Variants in TSC22D4 observed in about 807,000 individuals in gnomAD.
TSC22D4 encodes the protein TSC22 domain family protein 4.
In TSC22D4, 5 loss-of-function variants were observed where a neutral mutation model predicts 24.9. The ratio of observed to expected loss-of-function variants is 0.20; its 90% confidence interval spans 0.10 to 0.42. The LOEUF is 0.42. Ranked by LOEUF, TSC22D4 falls within the 10% of genes least tolerant of loss-of-function variation. The pLI, the probability that TSC22D4 is intolerant of heterozygous loss-of-function variation, is 1.00. For missense variants in TSC22D4, 469 were observed against 547.9 expected, an observed-to-expected ratio of 0.86 and a Z score of 1.44; for synonymous variants, 245 against 243.2, an observed-to-expected ratio of 1.01 and a Z score of -0.07.
At chr7:100,467,902 G>C (rs1480721474) in intron 3 of TSC22D4, 1 of 589,390 alleles carries the variant, frequency 1.7e-6, no homozygotes, top group Non-Finnish European at 3.3e-6. Context: ...GGTCTCATAA[G>C]ACGACACCAG....
Position 100,474,785 on chromosome 7 carries a change from G to A in TSC22D4, c.763-345C>T, listed in dbSNP as rs572496837. Among the ~76,000 whole-genome samples, 3 of 152,070 alleles carry A rather than the reference G, an allele frequency of 2.0e-5. No homozygotes were observed. Among genetic ancestry groups the A allele is most frequent in the Non-Finnish European group, 4.4e-5 (3 of 68,024 alleles). On this transcript the variant is annotated intron_variant, in intron 2 of 4. Transcript: ENST00000300181. The surrounding 1 kb of genome is among the most constrained non-coding windows in gnomAD (Gnocchi z 4.3). ...GACCCCTAATCAGAGGCTACGCAGC[G>A]TGTCTGCCTTCTTTTATGTTTTATT...
rs764115494 is a variant in TSC22D4 at position 100,477,449 on chromosome 7, T to C, written c.590A>G (p.Glu197Gly). Reference protein sequence around the residue: ...SASSPQQRPPEPETGESAGTS... With the variant: ...SASSPQQRPPGPETGESAGTS... ...GCCCGCACTCTCACCGGTCTCAGGC[T>C]CTGGGGGGCGCTGCTGGGGTGAGGA... Residue 197 changes from glutamate to glycine, a missense_variant, in exon 2 of 5, where the codon GAG becomes GGG. Transcript: ENST00000300181. The surrounding 1 kb of genome is among the most constrained non-coding windows in gnomAD (Gnocchi z 7.8). 3 of 1,566,894 alleles carry C rather than the reference T, an allele frequency of 1.9e-6. No individual in the cohort carries two copies. Among genetic ancestry groups the C allele is most frequent in the South Asian group, 1.2e-5 (1 of 84,780 alleles).
At chr7:100,467,788 G>A (rs1055017079) in intron 3 of TSC22D4, 188 bp from the exon 4 acceptor site, 10 of 708,912 alleles carry the variant, frequency 1.4e-5, no homozygotes, top group South Asian at 3.1e-5. Flanking sequence ...CCGGTGGGGC[G>A]GGGGCCCAGA....
chr7:100,472,911 C>T (rs1323446465), intron 3 of TSC22D4, among the ~76,000 whole-genome samples: 1 of 152,136 alleles, frequency 6.6e-6, no homozygotes. Context: ...CAGGCACCCA[C>T]TCACCCACTC....
intron 3 of TSC22D4, chr7:100,467,892 G>A (rs1799316886): frequency 3.3e-6 from 2 of 609,184 alleles, no homozygotes; most frequent in Non-Finnish European, 3.2e-6. Context: ...CCACCACTCG[G>A]GTCTCATAAG....
chr7:100,475,257 T>A (rs1254486155), intron 2 of TSC22D4, among the ~76,000 whole-genome samples: 2 of 152,232 alleles, frequency 1.3e-5, no homozygotes, highest in Non-Finnish European at 2.9e-5. Context: ...CTAATTTTTT[T>A]ATTTTTAGTA....
At chr7:100,467,470 T>C (rs1332386262) in intron 4 of TSC22D4, 82 bp downstream of exon 4, 2 of 1,476,090 alleles carry the variant, frequency 1.4e-6, no homozygotes, top group African/African-American at 2.8e-5. Context: ...TGGTGTTCCC[T>C]GGTAAGGAAG....
In TSC22D4 at chr7:100,477,867, G is replaced by T. The variant is rs1341081422; in HGVS notation, c.172C>A (p.Pro58Thr). 1.3e-6 allele frequency: 2 copies of T among 1,587,698 alleles called. No homozygotes were observed. Among genetic ancestry groups the T allele is most frequent in the Non-Finnish European group, 1.7e-6 (2 of 1,169,162 alleles). The change falls in exon 2 of 5, where the codon CCC (proline) becomes ACC (threonine). Residue 58 changes from proline (P) to threonine (T), a missense_variant. Coordinates refer to ENST00000300181, the MANE Select transcript of TSC22D4 (RefSeq NM_030935.5). This position sits in a 1 kb window ranked among gnomAD's most constrained non-coding sequence, Gnocchi z 7.8. ...PSPDPGGKGTPRNGSPPPGAP... is the reference protein window; with the variant it reads ...PSPDPGGKGTTRNGSPPPGAP... Reference sequence around the variant, plus strand: ...CCAGGTGGTGGGGAGCCATTCCGGGGGGTGCCCTTGCCCCCCGGATCGGGG... The same window carrying T: ...CCAGGTGGTGGGGAGCCATTCCGGGTGGTGCCCTTGCCCCCCGGATCGGGG...
At position 100,469,521 on chromosome 7, in the gene TSC22D4, C is replaced by T. The variant is rs559393290; in HGVS notation, c.930-1921G>A. On this transcript the variant is annotated intron_variant, in intron 3 of 4. Coordinates refer to ENST00000300181, the MANE Select transcript of TSC22D4 (RefSeq NM_030935.5). ...CAGAACCTGGCTCTCCCTCAAGCCC[C>T]ACTCTCAGGCCCCACCTGCGCAGGC... Among the ~76,000 whole-genome samples, 182 of 152,260 alleles carry T rather than the reference C, an allele frequency of 1.2e-3. 1 individual carries two copies. Among genetic ancestry groups the T allele is most frequent in the Admixed American group, 4.6e-3 (70 of 15,298 alleles).
At chr7:100,469,739 G>A (rs1197642868) in intron 3 of TSC22D4, among the ~76,000 whole-genome samples, 2 of 152,260 alleles carry the variant, frequency 1.3e-5, no homozygotes, top group African/African-American at 4.8e-5. Context: ...CACATCCCTG[G>A]ACTCCCTTGT....
chr7:100,473,057 G>A (rs4727455), intron 3 of TSC22D4, among the ~76,000 whole-genome samples: 22,399 of 152,072 alleles, frequency 0.15, 1,701 homozygotes, highest in East Asian at 0.17. Context: ...ATCAGTCCCC[G>A]GGGAGAAGCA....
chr7:100,479,008 G>A lies in TSC22D4; in HGVS notation c.-484C>T, dbSNP rs1188567560. The A allele has an allele frequency of 2.0e-5, 3 of 152,196 alleles. No individual in the cohort carries two copies. The highest frequency in any genetic ancestry group is 4.4e-5 in the Non-Finnish European group (3 of 68,058). 9.4% of individuals were successfully genotyped at this position (152,196 alleles called of 1,614,324 possible). A position where few individuals can be genotyped will look rare whatever the true frequency, so the allele number is the denominator to read the frequency against. ...AAAAGAAGAAACCCGCGCCTCCTCC[G>A]AGGAGCCTAGGAGCGGCCTCTGAAG... On this transcript the variant is annotated 5_prime_UTR_variant, in exon 1 of 5. Transcript: ENST00000300181.
At chr7:100,473,297 G>C (rs977651346) in intron 3 of TSC22D4, among the ~76,000 whole-genome samples, 1 of 152,098 alleles carries the variant, frequency 6.6e-6, no homozygotes, top group African/African-American at 2.4e-5. Context: ...CTCGGTTCTA[G>C]AAATCTTAGG....
At chr7:100,467,633 G>C in intron 3 of TSC22D4, 33 bp from the exon 4 acceptor site, 1 of 1,610,236 alleles carries the variant, frequency 6.2e-7, no homozygotes, top group Non-Finnish European at 8.5e-7. Context: ...GGGGAGGAGA[G>C]GAGAAGCCTT....
At chr7:100,469,181 C>T (rs1436089295) in intron 3 of TSC22D4, among the ~76,000 whole-genome samples, 3 of 149,354 alleles carry the variant, frequency 2.0e-5, no homozygotes, top group African/African-American at 7.5e-5. Flanking sequence ...GAGCCGAGAT[C>T]GTGCCACTGA....
rs370982296 is a variant in TSC22D4, at chr7:100,477,721, G to A, written c.318C>T (p.Gly106=). Residue 106 remains glycine, a synonymous_variant, in exon 2 of 5, where the codon GGC becomes GGT. Transcript: ENST00000300181. The surrounding 1 kb of genome is among the most constrained non-coding windows in gnomAD (Gnocchi z 7.8). ...YERDLEPHSF[G]GLLEGIRGAS... ...CCCCTCGAATTCCCTCCAGGAGTCC[G>A]CCGAAGCTGTGGGGCTCCAGGTCTC... 108 of 1,600,454 alleles carry A rather than the reference G, an allele frequency of 6.7e-5. 3 individuals are homozygous for A. The Middle Eastern group carries it at 5.6e-3, about 83-fold the overall frequency.
Position 100,467,118 on chromosome 7 carries a change from C to T in TSC22D4, c.1029G>A (p.Val343=), listed in dbSNP as rs1289830627. 4.3e-6 allele frequency: 7 copies of T among 1,613,940 alleles called. No homozygotes were observed. In the Admixed American group the frequency reaches 1.0e-4, roughly 23 times the overall value. ...LMFAVREEVE[V]LKEQIRELAE... ...CCAATTCCCGGATCTGCTCCTTCAG[C>T]ACCTCCACCTCCTCCCGGACCGCAA... The change falls in exon 5 of 5, where the codon GTG becomes GTA. Residue 343 remains valine, a synonymous_variant. Coordinates refer to ENST00000300181, the MANE Select transcript of TSC22D4 (RefSeq NM_030935.5).
intron 3 of TSC22D4, 83 bp from the exon 4 acceptor site, chr7:100,467,683 ACCC>A (rs749952050): frequency 5.5e-6 from 7 of 1,270,008 alleles, no homozygotes; most frequent in Non-Finnish European, 6.9e-6. Context: ...TCCCGCCCAC[ACCC>A]CCCTGTACCT....
chr7:100,477,188 AGGAGGAG>A lies in TSC22D4; in HGVS notation c.762+82_762+88del. The A allele has an allele frequency of 3.8e-6, 4 of 1,061,738 alleles. No homozygotes were observed. Among genetic ancestry groups the A allele is most frequent in the Non-Finnish European group, 5.1e-6 (4 of 791,104 alleles). 65.8% of individuals were successfully genotyped at this position (1,061,738 alleles called of 1,614,324 possible). A position where few individuals can be genotyped will look rare whatever the true frequency, so the allele number is the denominator to read the frequency against. ...TGATCTTATAAAGTGATGGAGAAGG[AGGAGGAG>A]AGGGGGGGGAGGAGGAGGAAGGAGG... is the stretch of plus-strand genomic sequence containing the variant. On this transcript the variant is annotated intron_variant, in intron 2 of 4. Coordinates refer to ENST00000300181, the MANE Select transcript of TSC22D4 (RefSeq NM_030935.5). This position sits in a 1 kb window ranked among gnomAD's most constrained non-coding sequence, Gnocchi z 7.8.
Sources: gnomAD v4.1 joint callset for allele counts (sites outside exome capture counted in the v4.1 genomes callset) on GRCh38, gnomAD v4.1.1 for gene constraint, Gnocchi (gnomAD v3.1) non-coding constraint, MANE v1.5 for transcripts, NCBI Gene and HGNC (gene_info 2026-07-23, HGNC 2026-07-21) for gene names.